AUTS2: variants seen among roughly 807,000 people sequenced by gnomAD.
AUTS2 encodes the protein autism susceptibility gene 2 protein.
AUTS2 carries 17 observed loss-of-function variants against 112.4 expected under a neutral mutation model. The ratio of observed to expected loss-of-function variants is 0.15; its 90% confidence interval spans 0.10 to 0.23. AUTS2 has a LOEUF of 0.23. Ranked by LOEUF, AUTS2 falls within the 10% of genes least tolerant of loss-of-function variation. The pLI is 1.00. For missense variants in AUTS2, 1,510 were observed against 1,701.6 expected (o/e 0.89, Z 1.98); for synonymous variants, 751 against 702.7 (o/e 1.07, Z -1.09).
At chr7:70,696,383 G>A (rs1809103535) in intron 5 of AUTS2, among the ~76,000 whole-genome samples, 3 of 152,166 alleles carry the variant, frequency 2.0e-5, no homozygotes, top group Admixed American at 2.0e-4. Flanking sequence ...GCCTTTCTGA[G>A]ACACCCCCTT....
At chr7:70,126,715 C>T (rs1805991904) in intron 3 of AUTS2, among the ~76,000 whole-genome samples, 1 of 152,112 alleles carries the variant, frequency 6.6e-6, no homozygotes, top group African/African-American at 2.4e-5. Flanking sequence ...AATAAACAAG[C>T]CTCAAATTAT....
chr7:69,664,385 C>T (rs1229321293), intron 1 of AUTS2, among the ~76,000 whole-genome samples: 1 of 152,154 alleles, frequency 6.6e-6, no homozygotes, highest in Non-Finnish European at 1.5e-5. Flanking sequence ...TGAGTTTTGC[C>T]TACATGCATT....
chr7:70,683,840 A>T (rs1332011572), intron 5 of AUTS2, among the ~76,000 whole-genome samples: 3 of 152,194 alleles, frequency 2.0e-5, no homozygotes, highest in African/African-American at 7.2e-5. Context: ...AGCCCCAGAG[A>T]TGGAGGCTAT....
At chr7:69,966,231 G>A (rs948841829) in intron 2 of AUTS2, among the ~76,000 whole-genome samples, 6 of 152,190 alleles carry the variant, frequency 3.9e-5, no homozygotes, top group Non-Finnish European at 5.9e-5. Context: ...CATCTTCGAT[G>A]CTTCTGCAAC....
intron 6 of AUTS2, 107 bp from the exon 7 acceptor site, chr7:70,762,763 A>G: frequency 3.6e-6 from 3 of 843,434 alleles, no homozygotes; most frequent in Non-Finnish European, 6.0e-6. Context: ...GGTTGGTGCC[A>G]GGTCCTGTTG....
intron 14 of AUTS2, among the ~76,000 whole-genome samples, chr7:70,777,873 G>C (rs956325824): frequency 1.3e-5 from 2 of 152,130 alleles, no homozygotes; most frequent in Non-Finnish European, 2.9e-5. Context: ...GTTGGGTTTG[G>C]GTTTTTGTAA....
At chr7:70,495,131 C>T (rs928124130) in intron 5 of AUTS2, among the ~76,000 whole-genome samples, 1 of 151,218 alleles carries the variant, frequency 6.6e-6, no homozygotes, top group African/African-American at 2.4e-5. Flanking sequence ...CGTGCCGACC[C>T]TAGTAACAAA....
intron 1 of AUTS2, among the ~76,000 whole-genome samples, chr7:69,689,214 C>A (rs752924645): frequency 9.2e-5 from 14 of 151,970 alleles, no homozygotes; most frequent in Admixed American, 2.0e-4. Flanking sequence ...TAGTAAATGT[C>A]AGGTGTCTAC....
At chr7:70,713,226 A>G (rs1229223818) in intron 6 of AUTS2, among the ~76,000 whole-genome samples, 1 of 152,222 alleles carries the variant, frequency 6.6e-6, no homozygotes, top group African/African-American at 2.4e-5. Flanking sequence ...ATCTGTGTGA[A>G]GGGCTATCAC....
intron 6 of AUTS2, among the ~76,000 whole-genome samples, chr7:70,716,636 CAAAAAAAA>C (rs34972760): frequency 9.9e-4 from 64 of 64,930 alleles, no homozygotes; most frequent in African/African-American, 1.8e-3. Context: ...GACTCCGTCT[CAAAAAAAA>C]AAAAAAAAAA....
chr7:69,814,361 A>G (rs1790668160), intron 1 of AUTS2, among the ~76,000 whole-genome samples: 1 of 152,234 alleles, frequency 6.6e-6, no homozygotes, highest in Admixed American at 6.5e-5. Flanking sequence ...AGACTGAGAC[A>G]AAATATAGAT....
intron 15 of AUTS2, chr7:70,783,926 CT>C (rs1791261073): frequency 6.6e-6 from 1 of 152,236 alleles, no homozygotes; most frequent in Non-Finnish European, 1.5e-5. Context: ...TGCACACTCT[CT>C]TTCTCTGTCT....
At chr7:70,628,242 T>G (rs529554739) in intron 5 of AUTS2, among the ~76,000 whole-genome samples, 9 of 151,988 alleles carry the variant, frequency 5.9e-5, no homozygotes, top group Non-Finnish European at 1.3e-4. Context: ...CATGAAGCTC[T>G]TGAAGCTTAA....
At chr7:70,639,336 A>C (rs1032444573) in intron 5 of AUTS2, among the ~76,000 whole-genome samples, 5 of 152,062 alleles carry the variant, frequency 3.3e-5, no homozygotes, top group Non-Finnish European at 5.9e-5. Flanking sequence ...TGACCCCAAG[A>C]AGGTTGAAGA....
At position 70,698,583 on chromosome 7, in the gene AUTS2, C is replaced by T. The variant is rs771786097; in HGVS notation, c.705C>T (p.Ser235=). 1.9e-6 allele frequency: 3 copies of T among 1,606,172 alleles called. No homozygotes were observed. Among genetic ancestry groups the T allele is most frequent in the Non-Finnish European group, 2.6e-6 (3 of 1,176,310 alleles). ...TTGTTTTTCAGGCATCAGATGCCAGCTCTGAAAAACTCTTCAACACTGTTA... is the reference window on the plus strand; with the variant it reads ...TTGTTTTTCAGGCATCAGATGCCAGTTCTGAAAAACTCTTCAACACTGTTA... ...SDQEEKASDA[S]SEKLFNTVIV... The change falls in exon 6 of 19, where the codon AGC becomes AGT. Residue 235 remains serine (S), a synonymous_variant. Coordinates refer to ENST00000342771, the MANE Select transcript of AUTS2 (RefSeq NM_015570.4).
chr7:70,580,276 C>T (rs1053605541), intron 5 of AUTS2, among the ~76,000 whole-genome samples: 8 of 152,186 alleles, frequency 5.3e-5, no homozygotes, highest in African/African-American at 7.2e-5. Context: ...ATGTGCCCTG[C>T]GCTGTAGCGT....
At chr7:70,626,395 A>C (rs1160081656) in intron 5 of AUTS2, among the ~76,000 whole-genome samples, 2 of 148,730 alleles carry the variant, frequency 1.3e-5, no homozygotes, top group Non-Finnish European at 1.5e-5. Flanking sequence ...TTATGTAAAA[A>C]CTTTTTTTTT....
chr7:69,998,970 G>A (rs1799068587), intron 2 of AUTS2, among the ~76,000 whole-genome samples: 1 of 152,174 alleles, frequency 6.6e-6, no homozygotes, highest in East Asian at 1.9e-4. Flanking sequence ...AGTTCCTGGA[G>A]TGTTTGAGGC....
intron 1 of AUTS2, among the ~76,000 whole-genome samples, chr7:69,747,671 A>G (rs1229775552): frequency 6.6e-6 from 1 of 151,998 alleles, no homozygotes; most frequent in East Asian, 1.9e-4. Flanking sequence ...ATTTGCCACC[A>G]CCGCATGAGC....
Sources: allele counts gnomAD v4.1 joint callset (sites outside exome capture counted in the v4.1 genomes callset), GRCh38; gene constraint gnomAD v4.1.1; transcripts MANE v1.5; gene names NCBI Gene and HGNC (gene_info 2026-07-23, HGNC 2026-07-21).